SUPT3H: variants seen among roughly 807,000 people sequenced by gnomAD.
SUPT3H encodes the protein transcription initiation protein SPT3 homolog.
Under a neutral mutation model 44.3 loss-of-function variants are expected in SUPT3H, and 44 were observed. That is an observed-to-expected ratio of 0.99 (90% CI 0.78 to 1.28). The LOEUF (loss-of-function observed/expected upper bound fraction) is 1.28, where lower values mean the gene tolerates loss of function less well. Ranked by LOEUF, SUPT3H falls within the 50% of genes most tolerant of loss-of-function variation. The pLI is 0.00. For missense variants in SUPT3H, 380 were observed against 387.1 expected, an observed-to-expected ratio of 0.98 and a Z score of 0.15; for synonymous variants, 124 against 125.6, an observed-to-expected ratio of 0.99 and a Z score of 0.09.
rs1562468751 is a variant in SUPT3H, at chr6:45,105,514, A to C, written c.186+408T>G. On this transcript the variant is annotated intron_variant, in intron 3 of 10. Coordinates refer to ENST00000371459, the MANE Select transcript of SUPT3H (RefSeq NM_003599.4). Reference sequence around the variant, plus strand: ...AAAAGCTATGTTTACACTATACTATAGTCTATTGATTGTCAAATGGCATGT... The same window carrying C: ...AAAAGCTATGTTTACACTATACTATCGTCTATTGATTGTCAAATGGCATGT... Among the ~76,000 whole-genome samples the C allele has an allele frequency of 3.9e-5, 6 of 152,178 alleles. No individual in the cohort carries two copies. In the South Asian group the frequency reaches 1.2e-3, roughly 32 times the overall value.
At chr6:45,171,738 GAC>G (rs1810817342) in intron 2 of SUPT3H, among the ~76,000 whole-genome samples, 1 of 7,882 alleles carries the variant, frequency 1.3e-4, no homozygotes, top group East Asian at 2.8e-3. Flanking sequence ...TTTTTTTTTT[GAC>G]AGACTCTTGC....
intron 3 of SUPT3H, among the ~76,000 whole-genome samples, chr6:45,049,963 A>G (rs761305545): frequency 3.9e-5 from 6 of 152,212 alleles, no homozygotes; most frequent in Non-Finnish European, 7.3e-5. Flanking sequence ...TGACAGTAAG[A>G]TAAATATTTG....
chr6:45,157,356 T>C (rs1332549943), intron 2 of SUPT3H, among the ~76,000 whole-genome samples: 3 of 151,992 alleles, frequency 2.0e-5, no homozygotes, highest in Admixed American at 1.3e-4. Flanking sequence ...CATCAGATCA[T>C]ACATTTATAA....
intron 6 of SUPT3H, among the ~76,000 whole-genome samples, chr6:44,988,487 G>C (rs1349108041): frequency 8.2e-6 from 1 of 122,550 alleles, no homozygotes; most frequent in Non-Finnish European, 1.7e-5. Context: ...AATTCAAAAG[G>C]GAAATTACAG....
At chr6:44,895,639 T>G (rs77054628) in intron 10 of SUPT3H, among the ~76,000 whole-genome samples, 10 of 152,270 alleles carry the variant, frequency 6.6e-5, no homozygotes, top group Non-Finnish European at 1.3e-4. Context: ...AAACAATGTT[T>G]GTATTGTCTG....
intron 2 of SUPT3H, among the ~76,000 whole-genome samples, chr6:45,204,160 T>C (rs1277109647): frequency 6.6e-6 from 1 of 151,562 alleles, no homozygotes; most frequent in African/African-American, 2.4e-5. Context: ...GGCAGGAGAA[T>C]AGCTTGAACC....
intron 2 of SUPT3H, among the ~76,000 whole-genome samples, chr6:45,253,872 T>TATACAC (rs1491408260): frequency 8.1e-6 from 1 of 124,094 alleles, no homozygotes; most frequent in East Asian, 2.4e-4. Flanking sequence ...TATATATATA[T>TATACAC]ACACACACAC....
chr6:45,110,333 A>G (rs72869134), intron 2 of SUPT3H, among the ~76,000 whole-genome samples: 9,440 of 152,258 alleles, frequency 0.062, 419 homozygotes, highest in Non-Finnish European at 0.09. Flanking sequence ...GTATACTTAT[A>G]CTGGGATCCA....
intron 2 of SUPT3H, among the ~76,000 whole-genome samples, chr6:45,324,205 A>G (rs1428444533): frequency 6.7e-6 from 1 of 149,412 alleles, no homozygotes; most frequent in South Asian, 2.1e-4. Context: ...TTAAACAAGT[A>G]TGGATCACTC....
At chr6:45,064,355 A>C (rs1164376275) in intron 3 of SUPT3H, among the ~76,000 whole-genome samples, 5 of 147,204 alleles carry the variant, frequency 3.4e-5, no homozygotes, top group African/African-American at 1.3e-4. Flanking sequence ...CTGCAAAATC[A>C]TGCCAAAATG....
At chr6:44,916,858 G>A (rs1403619968) in intron 10 of SUPT3H, among the ~76,000 whole-genome samples, 1 of 152,094 alleles carries the variant, frequency 6.6e-6, no homozygotes, top group Non-Finnish European at 1.5e-5. Flanking sequence ...TGGGGGCTAG[G>A]CACAGAGGCT....
At chr6:45,257,244 T>C (rs1048068236) in intron 2 of SUPT3H, among the ~76,000 whole-genome samples, 2 of 152,218 alleles carry the variant, frequency 1.3e-5, no homozygotes, top group Non-Finnish European at 2.9e-5. Flanking sequence ...GCCCCATTTT[T>C]ACCATAAGAA....
intron 10 of SUPT3H, among the ~76,000 whole-genome samples, chr6:44,853,359 T>C (rs1348903828): frequency 6.6e-6 from 1 of 152,134 alleles, no homozygotes; most frequent in Non-Finnish European, 1.5e-5. Flanking sequence ...ATAGGAAACA[T>C]GCATTCAATA....
chr6:44,928,367 G>C (rs1769874566), intron 10 of SUPT3H, among the ~76,000 whole-genome samples: 1 of 152,070 alleles, frequency 6.6e-6, no homozygotes, highest in South Asian at 2.1e-4. Context: ...AGTAAAATTA[G>C]TTTCTCTAAA....
chr6:44,870,500 G>A (rs1776198848), intron 10 of SUPT3H, among the ~76,000 whole-genome samples: 1 of 151,586 alleles, frequency 6.6e-6, no homozygotes, highest in Non-Finnish European at 1.5e-5. Flanking sequence ...TTGGGAGGCT[G>A]AGGTGAGATG....
At chr6:45,129,196 C>G (rs1269920818) in intron 2 of SUPT3H, among the ~76,000 whole-genome samples, 1 of 152,226 alleles carries the variant, frequency 6.6e-6, no homozygotes, top group African/African-American at 2.4e-5. Context: ...TACTCAGACT[C>G]TGACCTGCTA....
intron 10 of SUPT3H, among the ~76,000 whole-genome samples, chr6:44,905,976 G>A (rs924547968): frequency 4.6e-5 from 7 of 152,064 alleles, no homozygotes; most frequent in Admixed American, 1.3e-4. Flanking sequence ...ACTGAACAAT[G>A]AGAACACATA....
intron 10 of SUPT3H, among the ~76,000 whole-genome samples, chr6:44,853,126 G>A (rs150091434): frequency 6.6e-6 from 1 of 152,222 alleles, no homozygotes; most frequent in African/African-American, 2.4e-5. Context: ...CTGTGCTTGG[G>A]ACTATTCTAA....
rs116623205 is a variant in SUPT3H, at chr6:45,024,613, T to C, written c.187-3981A>G. 2.6e-3 allele frequency among the ~76,000 whole-genome samples: 391 copies of C among 152,330 alleles called. 3 individuals carry two copies. The highest frequency in any genetic ancestry group is 8.6e-3 in the African/African-American group (357 of 41,566). On this transcript the variant is annotated intron_variant, in intron 3 of 10. Transcript: ENST00000371459. ...ATTCTACATTTAGGCTCCAATAATTTTGGTTCTTTTTACCTTTGTGTACTT... is the reference window on the plus strand; with the variant it reads ...ATTCTACATTTAGGCTCCAATAATTCTGGTTCTTTTTACCTTTGTGTACTT...
Sources: allele counts gnomAD v4.1 joint callset (sites outside exome capture counted in the v4.1 genomes callset), GRCh38; gene constraint gnomAD v4.1.1; transcripts MANE v1.5; gene names NCBI Gene and HGNC (gene_info 2026-07-23, HGNC 2026-07-21).